BLTP1: variants seen among roughly 807,000 people sequenced by gnomAD.
The protein encoded by BLTP1 is bridge-like lipid transfer protein family member 1, also known as fragile site-associated protein.
At chr4:122,333,910 C>G in the BLTP1 span, 6 of 1,381,272 alleles carry the variant, frequency 4.3e-6, 1 homozygote, top group South Asian at 8.8e-5. Flanking sequence ...TAAAATGAGA[C>G]TTAGTGACTT....
At chr4:122,248,951 A>C in the BLTP1 span, 1 of 316,702 alleles carries the variant, frequency 3.2e-6, no homozygotes, top group African/African-American at 2.3e-5. Flanking sequence ...AAATGAAAAA[A>C]GTAAGATAAA....
chr4:122,360,042 T>C, the BLTP1 span: 5 of 985,280 alleles, frequency 5.1e-6, no homozygotes, highest in Non-Finnish European at 6.0e-6. Context: ...TTTTCAGGGT[T>C]TGAGGTAGCT....
chr4:122,260,751 G>A, the BLTP1 span, among the ~76,000 whole-genome samples: 5 of 151,916 alleles, frequency 3.3e-5, no homozygotes, highest in African/African-American at 4.8e-5. Context: ...ATAGATGTGC[G>A]AAGACATGAT....
chr4:122,237,958 G>T, the BLTP1 span: 5 of 910,806 alleles, frequency 5.5e-6, no homozygotes, highest in Non-Finnish European at 6.2e-6. Flanking sequence ...ATTCCAGCCT[G>T]GTGACAGAGC....
At chr4:122,299,011 T>C in the BLTP1 span, 3 of 985,334 alleles carry the variant, frequency 3.0e-6, no homozygotes, top group Non-Finnish European at 3.6e-6. Context: ...TATACTTGCG[T>C]TCAGGAAAAG....
the BLTP1 span, chr4:122,286,343 T>C: frequency 1.5e-6 from 1 of 666,682 alleles, no homozygotes; most frequent in Non-Finnish European, 1.9e-6. Context: ...AATACTGGCT[T>C]AATAATACTT....
At chr4:122,179,755 G>T in the BLTP1 span, 14 of 753,578 alleles carry the variant, frequency 1.9e-5, no homozygotes, top group Non-Finnish European at 2.3e-5. Flanking sequence ...CATTTTCAAA[G>T]ATGAGCACAT....
the BLTP1 span, among the ~76,000 whole-genome samples, chr4:122,178,570 GGCA>G: frequency 6.6e-6 from 1 of 152,160 alleles, no homozygotes; most frequent in Admixed American, 6.5e-5. Flanking sequence ...GAGACGCCAA[GGCA>G]TAAAGAGAAA....
chr4:122,236,876 AACCCCT>A, the BLTP1 span: 11,844 of 985,332 alleles, frequency 0.012, 1,094 homozygotes, highest in African/African-American at 0.19. Flanking sequence ...GCTTGGAAAT[AACCCCT>A]ACATACGTAC....
the BLTP1 span, among the ~76,000 whole-genome samples, chr4:122,335,341 C>A: frequency 1.3e-5 from 2 of 152,042 alleles, no homozygotes; most frequent in Non-Finnish European, 2.9e-5. Flanking sequence ...AAGTAAACTA[C>A]ACAAGGGCAT....
At chr4:122,240,777 A>G in the BLTP1 span, among the ~76,000 whole-genome samples, 1 of 152,202 alleles carries the variant, frequency 6.6e-6, no homozygotes, top group Admixed American at 6.5e-5. Flanking sequence ...CAGTATGAAT[A>G]TGGTTATTGG....
the BLTP1 span, chr4:122,344,030 T>C: frequency 1.0e-6 from 1 of 968,294 alleles, no homozygotes. Context: ...TAAATTTCAT[T>C]GTCACTTTGA....
At chr4:122,361,909 T>G in the BLTP1 span, 1 of 1,092,282 alleles carries the variant, frequency 9.2e-7, no homozygotes, top group Non-Finnish European at 1.3e-6. Context: ...TATACAAATG[T>G]ACCTACTGAA....
chr4:122,335,591 A>G, the BLTP1 span, among the ~76,000 whole-genome samples: 1 of 152,160 alleles, frequency 6.6e-6, no homozygotes, highest in Non-Finnish European at 1.5e-5. Flanking sequence ...GTGTCCATTA[A>G]GTGCATGGCA....
At chr4:122,289,363 C>G in the BLTP1 span, 1 of 502,288 alleles carries the variant, frequency 2.0e-6, no homozygotes, top group Non-Finnish European at 2.6e-6. Flanking sequence ...ACAGTGTTTG[C>G]TTATCATTTT....
the BLTP1 span, chr4:122,227,610 C>A: frequency 3.5e-6 from 1 of 287,704 alleles, no homozygotes; most frequent in Non-Finnish European, 5.2e-6. Flanking sequence ...CTTTTTTGTT[C>A]TTCTGCTATA....
At chr4:122,262,042 G>A in the BLTP1 span, 11 of 978,094 alleles carry the variant, frequency 1.1e-5, no homozygotes, top group South Asian at 4.7e-5. Flanking sequence ...TCTGACTCCC[G>A]TAAAAAAATG....
chr4:122,189,035 T>A, the BLTP1 span: 1 of 984,310 alleles, frequency 1.0e-6, no homozygotes, highest in Non-Finnish European at 1.2e-6. Context: ...GAATGTGGAC[T>A]GTGCACACAA....
chr4:122,346,376 A>G, the BLTP1 span: 4 of 791,544 alleles, frequency 5.1e-6, no homozygotes, highest in Non-Finnish European at 4.6e-6. Context: ...ACTGATCTTT[A>G]GAACTTCTCT....
Sources: allele counts gnomAD v4.1 joint callset (sites outside exome capture counted in the v4.1 genomes callset), GRCh38; gene constraint gnomAD v4.1.1; transcripts MANE v1.5; gene names NCBI Gene and HGNC (gene_info 2026-07-23, HGNC 2026-07-21).